The following EXOC6B variants were observed in gnomAD, a reference collection of about 807,000 sequenced individuals.
The protein encoded by EXOC6B is SEC15 homolog B.
In EXOC6B, 54 loss-of-function variants were observed where a neutral mutation model predicts 113.5. That is an observed-to-expected ratio of 0.48 (90% CI 0.38 to 0.60). The LOEUF (loss-of-function observed/expected upper bound fraction) is 0.60. Ranked by LOEUF, EXOC6B falls within the 20% of genes least tolerant of loss-of-function variation. The pLI is 0.00. For missense variants in EXOC6B, 797 were observed against 977.5 expected, an observed-to-expected ratio of 0.82 and a Z score of 2.46; for synonymous variants, 357 against 339.0, an observed-to-expected ratio of 1.05 and a Z score of -0.58.
chr2:72,667,141 G>T (rs1675455600), intron 6 of EXOC6B, among the ~76,000 whole-genome samples: 1 of 152,108 alleles, frequency 6.6e-6, no homozygotes, highest in East Asian at 1.9e-4. Context: ...GGGATTACAG[G>T]CGTGAGCCAT....
chr2:72,627,516 T>A (rs1192898187), intron 6 of EXOC6B, among the ~76,000 whole-genome samples: 1 of 152,140 alleles, frequency 6.6e-6, no homozygotes, highest in Non-Finnish European at 1.5e-5. Flanking sequence ...TACAGTTAGT[T>A]TCAAGTAAAA....
intron 20 of EXOC6B, among the ~76,000 whole-genome samples, chr2:72,291,117 C>A (rs1685758588): frequency 6.6e-6 from 1 of 152,136 alleles, no homozygotes; most frequent in Admixed American, 6.5e-5. Context: ...CTATCCCCAG[C>A]TTTTATAGAC....
At chr2:72,293,691 C>T (rs1005466540) in intron 20 of EXOC6B, among the ~76,000 whole-genome samples, 1 of 152,088 alleles carries the variant, frequency 6.6e-6, no homozygotes, top group Admixed American at 6.6e-5. Context: ...TATGGGCCAA[C>T]ATTAGAGGCT....
chr2:72,719,142 C>G (rs761874941), intron 5 of EXOC6B, among the ~76,000 whole-genome samples: 2 of 152,186 alleles, frequency 1.3e-5, no homozygotes, highest in East Asian at 1.9e-4. Context: ...CCCTCTAATT[C>G]CTCCACCCCT....
chr2:72,353,387 T>TATTGTATTGTATTGTATTGTA (rs1203832567), intron 19 of EXOC6B, among the ~76,000 whole-genome samples: 19 of 105,030 alleles, frequency 1.8e-4, no homozygotes, highest in African/African-American at 1.2e-3. Context: ...GTATCGTATT[T>TATTGTATTGTATTGTATTGTA]TTGAGATGGA....
intron 20 of EXOC6B, among the ~76,000 whole-genome samples, chr2:72,267,009 C>T (rs999893966): frequency 5.3e-5 from 8 of 152,006 alleles, no homozygotes; most frequent in African/African-American, 1.9e-4. Context: ...TTTTATTCTC[C>T]TTGAAGCAAT....
At chr2:72,259,741 A>AT (rs546763561) in intron 20 of EXOC6B, among the ~76,000 whole-genome samples, 5 of 152,108 alleles carry the variant, frequency 3.3e-5, no homozygotes, top group African/African-American at 9.7e-5. Context: ...GCCATGCTGG[A>AT]TTTTTTGCTT....
chr2:72,508,304 G>A (rs1436603522), intron 11 of EXOC6B, among the ~76,000 whole-genome samples: 1 of 151,898 alleles, frequency 6.6e-6, no homozygotes, highest in Non-Finnish European at 1.5e-5. Context: ...AGCCTGAAAT[G>A]TGTCAATTAA....
intron 1 of EXOC6B, among the ~76,000 whole-genome samples, chr2:72,788,277 T>G (rs913957761): frequency 2.6e-5 from 4 of 152,196 alleles, no homozygotes; most frequent in African/African-American, 9.7e-5. Flanking sequence ...AAGCATTAAC[T>G]GTTGTTATTA....
chr2:72,707,351 C>T (rs1370213138), intron 6 of EXOC6B, among the ~76,000 whole-genome samples: 5 of 151,912 alleles, frequency 3.3e-5, no homozygotes, highest in Admixed American at 2.6e-4. Context: ...ATCTTTATTT[C>T]TTCCATGGCA....
intron 18 of EXOC6B, among the ~76,000 whole-genome samples, chr2:72,443,201 T>C (rs1696329996): frequency 1.3e-5 from 2 of 151,562 alleles, no homozygotes; most frequent in Admixed American, 6.6e-5. Flanking sequence ...GGCGCACCTG[T>C]AGTTCCAGCT....
At chr2:72,734,075 A>G (rs1397492051) in intron 2 of EXOC6B, among the ~76,000 whole-genome samples, 3 of 152,196 alleles carry the variant, frequency 2.0e-5, no homozygotes, top group Non-Finnish European at 4.4e-5. Flanking sequence ...CAAGAAAGGG[A>G]TATCATATAG....
At chr2:72,406,196 C>T (rs1334512696) in intron 18 of EXOC6B, among the ~76,000 whole-genome samples, 1 of 152,154 alleles carries the variant, frequency 6.6e-6, no homozygotes, top group African/African-American at 2.4e-5. Flanking sequence ...CACCCAGATT[C>T]ATAAAGCAAG....
At chr2:72,205,132 C>A (rs1679758770) in intron 20 of EXOC6B, among the ~76,000 whole-genome samples, 2 of 152,088 alleles carry the variant, frequency 1.3e-5, no homozygotes, top group African/African-American at 4.8e-5. Flanking sequence ...GGGCATGAGG[C>A]AACTGACAGA....
At chr2:72,757,352 A>T (rs1299771780) in intron 1 of EXOC6B, among the ~76,000 whole-genome samples, 1 of 152,240 alleles carries the variant, frequency 6.6e-6, no homozygotes, top group African/African-American at 2.4e-5. Flanking sequence ...TCTCCCTTGC[A>T]TTCCTGAAAT....
intron 18 of EXOC6B, among the ~76,000 whole-genome samples, chr2:72,407,524 G>C (rs1175440997): frequency 2.0e-5 from 3 of 152,174 alleles, no homozygotes; most frequent in Admixed American, 6.5e-5. Context: ...CCACGATCAA[G>C]TGGGCTTCAT....
intron 1 of EXOC6B, among the ~76,000 whole-genome samples, chr2:72,794,007 A>AG (rs1337580827): frequency 6.6e-6 from 1 of 152,254 alleles, no homozygotes; most frequent in East Asian, 1.9e-4. Context: ...AGTCCAGGAA[A>AG]GGGGTGTCCC....
In EXOC6B at chr2:72,512,402, A is replaced by C. The variant is rs1239230403; in HGVS notation, c.1167+730T>G. On this transcript the variant is annotated intron_variant, in intron 11 of 21. Coordinates refer to ENST00000272427, the MANE Select transcript of EXOC6B (RefSeq NM_015189.3). Reference sequence around the variant, plus strand: ...AAGGAAGGAAGGAAGGAAGGAAGGAAGGAAGGAAGGAAGGAAGGAAGGAAA... The same window carrying C: ...AAGGAAGGAAGGAAGGAAGGAAGGACGGAAGGAAGGAAGGAAGGAAGGAAA... Among the ~76,000 whole-genome samples, 14 of 137,710 alleles carry C rather than the reference A, an allele frequency of 1.0e-4. 1 individual carries two copies. The highest frequency in any genetic ancestry group is 4.0e-4 in the African/African-American group (14 of 35,188). 90.3% of individuals were successfully genotyped at this position (137,710 alleles called of 152,430 possible).
intron 1 of EXOC6B, 96 bp from the exon 2 acceptor site, chr2:72,741,565 C>T: frequency 1.8e-6 from 2 of 1,081,924 alleles, no homozygotes; most frequent in Non-Finnish European, 2.6e-6. Flanking sequence ...GCACATAAGC[C>T]ACAAAATAAT....
Sources: allele counts gnomAD v4.1 joint callset (sites outside exome capture counted in the v4.1 genomes callset), GRCh38; gene constraint gnomAD v4.1.1; transcripts MANE v1.5; gene names NCBI Gene and HGNC (gene_info 2026-07-23, HGNC 2026-07-21).